The following AFF1 variants were observed in gnomAD, a reference collection of about 807,000 sequenced individuals.
The protein encoded by AFF1 is AF4/FMR2 family member 1.
Under a neutral mutation model 121.7 loss-of-function variants are expected in AFF1, and 48 were observed. The observed-to-expected ratio is 0.39, with a 90% CI of 0.31 to 0.50. The LOEUF is 0.50. AFF1 is among the 20% of genes least tolerant of loss of function. AFF1 has a pLI of 0.76. For missense variants in AFF1, 1,523 were observed against 1,511.7 expected, an observed-to-expected ratio of 1.01 and a Z score of -0.12; for synonymous variants, 613 against 563.0, an observed-to-expected ratio of 1.09 and a Z score of -1.26.
chr4:87,138,399 T>C lies in AFF1; in HGVS notation c.*2698T>C, dbSNP rs910144439. 8 of 232,500 alleles carry C rather than the reference T, an allele frequency of 3.4e-5. No homozygotes were observed. Among genetic ancestry groups the C allele is most frequent in the African/African-American group, 6.6e-5 (3 of 45,316 alleles). The allele number at this position is 232,500 out of a possible 1,614,324, so 14.4% of individuals were successfully genotyped here. ...AGCCTTAGAGTATGGAAAGTTCTTA[T>C]AACAATAATAGTACACACTTCAGAG... On this transcript the variant is annotated 3_prime_UTR_variant, in exon 21 of 21. Coordinates refer to ENST00000395146, the MANE Select transcript of AFF1 (RefSeq NM_001166693.3).
At chr4:87,126,446 T>A in intron 14 of AFF1, 110 bp downstream of exon 14, 1 of 987,094 alleles carries the variant, frequency 1.0e-6, no homozygotes, top group Non-Finnish European at 1.5e-6. Flanking sequence ...CCATTGCTTT[T>A]AATGAGGCAA....
rs1282058906 is a variant in AFF1 at position 87,075,152 on chromosome 4, A to G, written c.1060-8968A>G. 2.6e-5 allele frequency among the ~76,000 whole-genome samples: 4 copies of G among 152,190 alleles called. No individual in the cohort carries two copies. The East Asian group carries it at 7.7e-4, about 29-fold the overall frequency. On this transcript the variant is annotated intron_variant, in intron 4 of 20. Coordinates refer to ENST00000395146, the MANE Select transcript of AFF1 (RefSeq NM_001166693.3). ...ATAAGTTTTCTAATTATTCATATTA[A>G]TCTTTAAAGAACTGCTATTTTAAAA...
intron 2 of AFF1, among the ~76,000 whole-genome samples, chr4:87,045,605 T>C (rs1452171111): frequency 6.6e-6 from 1 of 152,166 alleles, no homozygotes; most frequent in Non-Finnish European, 1.5e-5. Context: ...GAAATAAAAA[T>C]CATTTTTTGT....
chr4:87,098,024 AG>A (rs1192738210), intron 8 of AFF1, among the ~76,000 whole-genome samples: 1 of 152,200 alleles, frequency 6.6e-6, no homozygotes, highest in Non-Finnish European at 1.5e-5. Flanking sequence ...TATTAATTGC[AG>A]GGTCATTTAC....
intron 8 of AFF1, among the ~76,000 whole-genome samples, chr4:87,101,275 T>A (rs1725406052): frequency 1.3e-5 from 2 of 152,202 alleles, no homozygotes; most frequent in Non-Finnish European, 2.9e-5. Context: ...AGAGCCTGAT[T>A]GCTTTGAAAA....
intron 4 of AFF1, among the ~76,000 whole-genome samples, chr4:87,083,470 C>T (rs900950020): frequency 2.6e-5 from 4 of 152,030 alleles, no homozygotes; most frequent in African/African-American, 9.7e-5. Flanking sequence ...AAGAGTTATC[C>T]TTGATTGGAC....
intron 2 of AFF1, among the ~76,000 whole-genome samples, chr4:87,022,592 A>ATATC (rs1465084690): frequency 0.011 from 1,091 of 99,652 alleles, 55 homozygotes; most frequent in East Asian, 0.027. Flanking sequence ...ATCTATCTAT[A>ATATC]TCTATCTGTG....
intron 2 of AFF1, among the ~76,000 whole-genome samples, chr4:86,952,104 T>C (rs1477475696): frequency 6.6e-6 from 1 of 152,222 alleles, no homozygotes; most frequent in African/African-American, 2.4e-5. Flanking sequence ...ATTGTTTCAC[T>C]GTATCTTTAT....
chr4:86,986,160 C>T (rs1724257211), intron 2 of AFF1, among the ~76,000 whole-genome samples: 1 of 151,942 alleles, frequency 6.6e-6, no homozygotes, highest in African/African-American at 2.4e-5. Context: ...GCAACCTCCA[C>T]CTCCTGGGTT....
intron 4 of AFF1, among the ~76,000 whole-genome samples, chr4:87,072,513 A>AT (rs1414366330): frequency 6.6e-6 from 1 of 151,586 alleles, no homozygotes; most frequent in Non-Finnish European, 1.5e-5. Context: ...GTATTTATTT[A>AT]TTATTTATTT....
intron 4 of AFF1, among the ~76,000 whole-genome samples, chr4:87,069,236 TAGGTAATAGAC>T (rs1721710597): frequency 6.7e-6 from 1 of 150,096 alleles, no homozygotes; most frequent in African/African-American, 2.5e-5. Flanking sequence ...ATAAACTTGA[TAGGTAATAGAC>T]AGGTGGCGTG....
chr4:87,074,055 C>A (rs1050612825), intron 4 of AFF1, among the ~76,000 whole-genome samples: 1 of 151,896 alleles, frequency 6.6e-6, no homozygotes, highest in Admixed American at 6.6e-5. Flanking sequence ...AACACCACCA[C>A]GCTGCAGTTT....
rs5860049 is a variant in AFF1 at position 86,990,321 on chromosome 4, TAA to T, written c.38+41767_38+41768del. On this transcript the variant is annotated intron_variant, in intron 2 of 20. Coordinates refer to ENST00000395146, the MANE Select transcript of AFF1 (RefSeq NM_001166693.3). ...AGTATAGTGAGACCTTGTCCCTATT[TAA>T]AAAAAAAAAAAAAAAAGACTGCCTA... Among the ~76,000 whole-genome samples, 626 of 132,152 alleles carry T rather than the reference TAA, an allele frequency of 4.7e-3. 7 individuals carry two copies. The highest frequency in any genetic ancestry group is 0.013 in the African/African-American group (460 of 36,432). 86.7% of individuals were successfully genotyped at this position (132,152 alleles called of 152,430 possible).
intron 1 of AFF1, among the ~76,000 whole-genome samples, chr4:86,941,984 C>G (rs1333801052): frequency 6.6e-6 from 1 of 151,494 alleles, no homozygotes; most frequent in African/African-American, 2.4e-5. Flanking sequence ...AGCAATATAG[C>G]AATATCTTCT....
chr4:86,952,674 A>C (rs1042777976), intron 2 of AFF1, among the ~76,000 whole-genome samples: 7 of 150,480 alleles, frequency 4.7e-5, no homozygotes, highest in South Asian at 2.1e-4. Context: ...AAAACAAAAA[A>C]ACAAAAACAC....
chr4:87,032,607 G>A (rs1289469923), intron 2 of AFF1, among the ~76,000 whole-genome samples: 1 of 152,208 alleles, frequency 6.6e-6, no homozygotes, highest in Non-Finnish European at 1.5e-5. Flanking sequence ...AAACTTCTCA[G>A]TTGTAGGAAT....
intron 2 of AFF1, among the ~76,000 whole-genome samples, chr4:86,951,645 A>C (rs1320447001): frequency 4.3e-5 from 4 of 92,040 alleles, no homozygotes; most frequent in Non-Finnish European, 7.3e-5. Context: ...TTTTTTTGAG[A>C]CGGAGTCTCC....
chr4:86,971,201 T>A (rs1722920470), intron 2 of AFF1, among the ~76,000 whole-genome samples: 1 of 152,180 alleles, frequency 6.6e-6, no homozygotes, highest in African/African-American at 2.4e-5. Context: ...CATAAAACAC[T>A]GTAAGCAGGG....
chr4:87,007,352 G>C, intron 2 of AFF1: 1 of 1,611,680 alleles, frequency 6.2e-7, no homozygotes. Context: ...TGGCAGCAGG[G>C]CCCGCGGGGT....
Sources: gnomAD v4.1 joint callset for allele counts (sites outside exome capture counted in the v4.1 genomes callset) on GRCh38, gnomAD v4.1.1 for gene constraint, MANE v1.5 for transcripts, NCBI Gene and HGNC (gene_info 2026-07-23, HGNC 2026-07-21) for gene names.